The following PRIM2 variants were observed in gnomAD, a reference collection of about 807,000 sequenced individuals.
The protein encoded by PRIM2 is DNA primase large subunit.
In PRIM2, 39 loss-of-function variants were observed where a neutral mutation model predicts 67.3. The ratio of observed to expected loss-of-function variants is 0.58; its 90% CI spans 0.45 to 0.76. PRIM2 has a LOEUF of 0.76. Ranked by LOEUF, PRIM2 falls within the 30% of genes least tolerant of loss-of-function variation. The pLI is 0.00. For missense variants in PRIM2, 398 were observed against 598.7 expected (o/e 0.66, Z 3.50); for synonymous variants, 143 against 198.7 (o/e 0.72, Z 2.36).
At chr6:57,534,933 A>T (rs1774972860) in intron 9 of PRIM2, among the ~76,000 whole-genome samples, 1 of 152,006 alleles carries the variant, frequency 6.6e-6, no homozygotes, top group Non-Finnish European at 1.5e-5. Flanking sequence ...ATCACACTTG[A>T]TTTCATTTCT....
chr6:57,238,897 A>T, the PRIM2 span, among the ~76,000 whole-genome samples: 2 of 152,224 alleles, frequency 1.3e-5, no homozygotes, highest in South Asian at 2.1e-4. Flanking sequence ...TATTATTGTC[A>T]AGCTCCTTAG....
intron 7 of PRIM2, among the ~76,000 whole-genome samples, chr6:57,458,183 C>T (rs1772870854): frequency 6.6e-6 from 1 of 152,162 alleles, no homozygotes; most frequent in African/African-American, 2.4e-5. Flanking sequence ...TGATTGGGGG[C>T]TCTGTTCCAT....
At chr6:57,438,527 A>T (rs933058881) in intron 7 of PRIM2, among the ~76,000 whole-genome samples, 3 of 152,248 alleles carry the variant, frequency 2.0e-5, no homozygotes, top group African/African-American at 7.2e-5. Flanking sequence ...AAATCTGAAT[A>T]TTGGTACATA....
At chr6:57,505,442 G>T (rs1194606359) in intron 7 of PRIM2, 1 of 152,160 alleles carries the variant, frequency 6.6e-6, no homozygotes, top group African/African-American at 2.4e-5. Flanking sequence ...TGTGTTTTGT[G>T]GAATTGGCAG....
intron 5 of PRIM2, among the ~76,000 whole-genome samples, chr6:57,361,227 C>T (rs1238110204): frequency 6.6e-6 from 1 of 152,160 alleles, no homozygotes; most frequent in Non-Finnish European, 1.5e-5. Context: ...GTGCTGCTTC[C>T]TGTCACACTC....
the PRIM2 span, among the ~76,000 whole-genome samples, chr6:57,262,339 G>A: frequency 1.3e-5 from 2 of 152,028 alleles, no homozygotes; most frequent in African/African-American, 4.8e-5. Context: ...TTTACATACC[G>A]ATTATTTATG....
chr6:57,519,233 C>T (rs1774555615), intron 8 of PRIM2, among the ~76,000 whole-genome samples: 1 of 152,188 alleles, frequency 6.6e-6, no homozygotes, highest in African/African-American at 2.4e-5. Flanking sequence ...AAGTTTTGGG[C>T]ACCATTGTTA....
intron 7 of PRIM2, among the ~76,000 whole-genome samples, chr6:57,454,323 CCT>C (rs1772676193): frequency 1.3e-5 from 2 of 152,072 alleles, no homozygotes; most frequent in East Asian, 1.9e-4. Flanking sequence ...GGGAGGATTC[CCT>C]CTTTTTCTAT....
intron 10 of PRIM2, among the ~76,000 whole-genome samples, chr6:57,574,704 A>G (rs1775931728): frequency 6.6e-6 from 1 of 150,856 alleles, no homozygotes; most frequent in African/African-American, 2.4e-5. Flanking sequence ...GCAAGGACCA[A>G]CTTCAGGATC....
intron 5 of PRIM2, among the ~76,000 whole-genome samples, chr6:57,370,412 A>G (rs1230082360): frequency 6.6e-6 from 1 of 152,244 alleles, no homozygotes; most frequent in Non-Finnish European, 1.5e-5. Context: ...ATTATTTAAT[A>G]GTAAAGTTTC....
chr6:57,624,831 A>G (rs1776918892), intron 12 of PRIM2, among the ~76,000 whole-genome samples: 1 of 152,188 alleles, frequency 6.6e-6, no homozygotes, highest in Non-Finnish European at 1.5e-5. Flanking sequence ...GACATGCCCA[A>G]GACTTGGCAC....
intron 7 of PRIM2, among the ~76,000 whole-genome samples, chr6:57,430,990 C>A (rs1771809166): frequency 6.6e-6 from 1 of 152,104 alleles, no homozygotes; most frequent in Non-Finnish European, 1.5e-5. Flanking sequence ...GATCTATTAT[C>A]CTTTCATATC....
chr6:57,249,656 C>A, the PRIM2 span, among the ~76,000 whole-genome samples: 1 of 152,160 alleles, frequency 6.6e-6, no homozygotes, highest in Admixed American at 6.5e-5. Flanking sequence ...GCAGGAGAAT[C>A]GCTTGAACCC....
At chr6:57,325,104 A>T (rs896924625) in intron 4 of PRIM2, among the ~76,000 whole-genome samples, 9 of 152,190 alleles carry the variant, frequency 5.9e-5, no homozygotes, top group Non-Finnish European at 1.3e-4. Context: ...GCTTTTAAAT[A>T]TTGTGGTATA....
chr6:57,592,386 G>C (rs2127488815), intron 10 of PRIM2, among the ~76,000 whole-genome samples: 1 of 152,192 alleles, frequency 6.6e-6, no homozygotes, highest in Non-Finnish European at 1.5e-5. Context: ...GCCTCATTTA[G>C]GTCAAGAAGA....
At chr6:57,424,063 G>A (rs1023825791) in intron 7 of PRIM2, among the ~76,000 whole-genome samples, 1 of 152,108 alleles carries the variant, frequency 6.6e-6, no homozygotes, top group African/African-American at 2.4e-5. Flanking sequence ...GGTAAGGATG[G>A]GCACAGTTTA....
intron 8 of PRIM2, among the ~76,000 whole-genome samples, chr6:57,525,060 C>T (rs1446175335): frequency 6.6e-6 from 1 of 151,956 alleles, no homozygotes; most frequent in African/African-American, 2.4e-5. Context: ...ATTTCTCCCC[C>T]ACCCCCTGCC....
At chr6:57,457,230 G>A (rs1300211390) in intron 7 of PRIM2, among the ~76,000 whole-genome samples, 327 of 152,338 alleles carry the variant, frequency 2.1e-3, no homozygotes, top group African/African-American at 7.5e-3. Context: ...GGCTACTTGG[G>A]GGTCAGGGAC....
intron 10 of PRIM2, among the ~76,000 whole-genome samples, chr6:57,571,321 A>G (rs1775858534): frequency 6.6e-6 from 1 of 152,012 alleles, no homozygotes; most frequent in African/African-American, 2.4e-5. Flanking sequence ...TTTCCTCATG[A>G]TCTCCCTATT....
Sources: allele counts gnomAD v4.1 joint callset (sites outside exome capture counted in the v4.1 genomes callset), GRCh38; gene constraint gnomAD v4.1.1; transcripts MANE v1.5; gene names NCBI Gene and HGNC (gene_info 2026-07-23, HGNC 2026-07-21).